Variants in SLC7A14 observed in about 807,000 individuals in gnomAD.
The protein encoded by SLC7A14 is gamma-aminobutyric acid transporter SLC7A14.
Under a neutral mutation model 60.2 loss-of-function variants are expected in SLC7A14, and 37 were observed. The observed-to-expected ratio is 0.61, with a 90% CI of 0.47 to 0.81. The LOEUF is 0.81. SLC7A14 is among the 30% of genes least tolerant of loss of function. The pLI is 0.00. For missense variants in SLC7A14, 886 were observed against 982.7 expected (o/e 0.90, Z 1.32); for synonymous variants, 399 against 395.8 (o/e 1.01, Z -0.10).
At chr3:170,472,702 G>A (rs1739951189) in intron 7 of SLC7A14, among the ~76,000 whole-genome samples, 1 of 151,690 alleles carries the variant, frequency 6.6e-6, no homozygotes, top group Non-Finnish European at 1.5e-5. Flanking sequence ...GGGAGGCAGA[G>A]CTTGCATTGA....
chr3:170,470,162 T>G (rs184315670), intron 7 of SLC7A14, among the ~76,000 whole-genome samples: 1 of 152,318 alleles, frequency 6.6e-6, no homozygotes, highest in African/African-American at 2.4e-5. Context: ...GCTTTATACA[T>G]GGAGGGAGAG....
At chr3:170,483,626 G>C in intron 5 of SLC7A14, 104 bp from the exon 6 acceptor site, 2 of 1,253,394 alleles carry the variant, frequency 1.6e-6, no homozygotes, top group Non-Finnish European at 2.3e-6. Context: ...GCAGAGGCTT[G>C]CATGGCAGTT....
rs370930428 is a variant in SLC7A14, at chr3:170,481,115, G to A, written c.1167C>T (p.Ile389=). The A allele has an allele frequency of 1.1e-5, 18 of 1,614,008 alleles. No individual in the cohort carries two copies. The highest frequency in any genetic ancestry group is 2.2e-5 in the South Asian group (2 of 91,066). ...GGAGCGCTGCCAGGAACCCCGACAC[G>A]ATGCAGGCCACCACTGGTGTCTCTG... ...SYTETPVVAC[I]VSGFLAALLA... The change falls in exon 7 of 8, where the codon ATC becomes ATT. Residue 389 remains isoleucine, a synonymous_variant. Transcript: ENST00000231706.
intron 4 of SLC7A14, among the ~76,000 whole-genome samples, chr3:170,490,302 A>C (rs1712175449): frequency 6.6e-6 from 1 of 152,246 alleles, no homozygotes; most frequent in Admixed American, 6.5e-5. Flanking sequence ...TTCTACACAC[A>C]CAGACACATA....
intron 1 of SLC7A14, among the ~76,000 whole-genome samples, chr3:170,559,487 A>C (rs1357556767): frequency 6.6e-6 from 1 of 152,200 alleles, no homozygotes; most frequent in East Asian, 1.9e-4. Context: ...GTTTTAAAAT[A>C]TTTTTATATA....
At chr3:170,580,487 C>T (rs781717995) in intron 1 of SLC7A14, among the ~76,000 whole-genome samples, 4 of 152,184 alleles carry the variant, frequency 2.6e-5, no homozygotes, top group Non-Finnish European at 5.9e-5. Flanking sequence ...GCATCATCTA[C>T]TAGAGGCCAG....
intron 1 of SLC7A14, among the ~76,000 whole-genome samples, chr3:170,575,269 T>G (rs1715058006): frequency 6.6e-6 from 1 of 152,188 alleles, no homozygotes; most frequent in Admixed American, 6.5e-5. Context: ...TGTGATAATT[T>G]ATATGCAAGC....
intron 4 of SLC7A14, chr3:170,495,488 C>A: frequency 2.2e-6 from 2 of 895,944 alleles, no homozygotes; most frequent in Non-Finnish European, 3.4e-6. Flanking sequence ...CCACCTCTGG[C>A]CCCCAGGCCT....
chr3:170,582,136 T>C (rs529879476), intron 1 of SLC7A14, among the ~76,000 whole-genome samples: 12 of 152,298 alleles, frequency 7.9e-5, no homozygotes, highest in East Asian at 5.8e-4. Flanking sequence ...CTTCATAGCC[T>C]AATTGTCCTA....
At position 170,526,901 on chromosome 3, in the gene SLC7A14, C is replaced by G; in HGVS notation, c.36G>C (p.Arg12=). The G allele has an allele frequency of 6.2e-7, 1 of 1,613,676 alleles. No homozygotes were observed. Among genetic ancestry groups the G allele is most frequent in the Non-Finnish European group, 8.5e-7 (1 of 1,179,854 alleles). The change falls in exon 2 of 8, where the codon CGG becomes CGC. Residue 12 remains arginine, a synonymous_variant. Transcript: ENST00000231706. ...CATACCAGGCAGCTCCCCACTGCAC[C>G]CGCCGGGGGTCCAGCGAGGTGAAGA... The part of the protein sequence containing the change: ...SGFFTSLDPR[R]VQWGAAWYAM...
rs755332029 is a variant in SLC7A14 at position 170,480,922 on chromosome 3, C to T, written c.1360G>A (p.Gly454Ser). The change falls in exon 7 of 8, where the codon GGC becomes AGC. Residue 454 changes from glycine (G) to serine (S), a missense_variant. Gly to Ser is a moderately conservative substitution (Grantham distance 56, BLOSUM62 0). Coordinates refer to ENST00000231706, the MANE Select transcript of SLC7A14 (RefSeq NM_020949.3). ...TCCTTCTCACAGTCAGCCAGAATGC[C>T]CTCCTTCTTCTTGGTGTGCTCCTCA... is the stretch of plus-strand genomic sequence containing the variant. ...LSEEHTKKKE[G>S]ILADCEKEAC... The T allele has an allele frequency of 3.1e-6, 5 of 1,613,844 alleles. No homozygotes were observed. The highest frequency in any genetic ancestry group is 4.5e-5 in the East Asian group (2 of 44,868).
intron 4 of SLC7A14, among the ~76,000 whole-genome samples, chr3:170,490,169 A>G (rs1173859885): frequency 2.0e-5 from 3 of 152,208 alleles, no homozygotes; most frequent in African/African-American, 7.2e-5. Flanking sequence ...TGCTTATTTC[A>G]CATTGCATGC....
chr3:170,467,280 G>A lies in SLC7A14; in HGVS notation c.2091C>T (p.Asp697=), dbSNP rs564483174. 1.3e-5 allele frequency: 21 copies of A among 1,614,234 alleles called. No homozygotes were observed. The highest frequency in any genetic ancestry group is 1.6e-4 in the Middle Eastern group (1 of 6,062). The part of the protein sequence containing the change: ...ALHQSTYQRY[D]VDDPFSVEEG... ...CCTCCACTGAGAAGGGGTCATCCAC[G>A]TCGTAGCGTTGGTACGTGCTTTGGT... The change falls in exon 8 of 8, where the codon GAC becomes GAT. Residue 697 remains aspartate, a synonymous_variant. Transcript: ENST00000231706.
chr3:170,582,265 G>A (rs1715258261), intron 1 of SLC7A14, among the ~76,000 whole-genome samples: 2 of 152,140 alleles, frequency 1.3e-5, no homozygotes, highest in Admixed American at 1.3e-4. Context: ...CTTGGTTGCT[G>A]TGAGGGTGTG....
At chr3:170,539,328 A>G (rs993051953) in intron 1 of SLC7A14, among the ~76,000 whole-genome samples, 13 of 151,926 alleles carry the variant, frequency 8.6e-5, no homozygotes, top group Non-Finnish European at 1.5e-4. Flanking sequence ...CTGAAATGTC[A>G]TCTTTGCAGA....
At chr3:170,512,357 C>A (rs978162869) in intron 2 of SLC7A14, among the ~76,000 whole-genome samples, 1 of 152,212 alleles carries the variant, frequency 6.6e-6, no homozygotes, top group Non-Finnish European at 1.5e-5. Context: ...CATGGGCCTG[C>A]ACCCATTCTC....
chr3:170,568,644 A>G (rs1461211064), intron 1 of SLC7A14, among the ~76,000 whole-genome samples: 1 of 152,240 alleles, frequency 6.6e-6, no homozygotes, highest in Non-Finnish European at 1.5e-5. Context: ...ACCCATGAGC[A>G]TGGAATGTTC....
rs1021334714 is a variant in SLC7A14 at position 170,532,419 on chromosome 3, C to G, written c.-152-5331G>C. Reference sequence around the variant, plus strand: ...TGAGCTCCTGGCTCTGGGTTAAGAACACAATTCAGGAACCAGGTGCCCTGC... The same window carrying G: ...TGAGCTCCTGGCTCTGGGTTAAGAAGACAATTCAGGAACCAGGTGCCCTGC... On this transcript the variant is annotated intron_variant, in intron 1 of 7. Transcript: ENST00000231706. The surrounding 1 kb of genome is among the most constrained non-coding windows in gnomAD (Gnocchi z 4.0). Among the ~76,000 whole-genome samples the G allele has an allele frequency of 6.6e-6, 1 of 152,234 alleles. No homozygotes were observed. The highest frequency in any genetic ancestry group is 1.5e-5 in the Non-Finnish European group (1 of 68,044).
At position 170,480,703 on chromosome 3, in the gene SLC7A14, T is replaced by C. The variant is rs776719596; in HGVS notation, c.1579A>G (p.Asn527Asp). ...TTGIEADESENIYLIKLKKLI... is the reference protein window; with the variant it reads ...TTGIEADESEDIYLIKLKKLI... ...TTCTTTAACTTGATGAGATAAATATTTTCGGATTCATCAGCTTCTATGCCT... is the reference window on the plus strand; with the variant it reads ...TTCTTTAACTTGATGAGATAAATATCTTCGGATTCATCAGCTTCTATGCCT... The change falls in exon 7 of 8, where the codon AAT (asparagine) becomes GAT (aspartate). Residue 527 changes from asparagine (N) to aspartate (D), a missense_variant. Transcript: ENST00000231706. 1 of 1,614,198 alleles carries C rather than the reference T, an allele frequency of 6.2e-7. No individual in the cohort carries two copies. Among genetic ancestry groups the C allele is most frequent in the African/African-American group, 1.3e-5 (1 of 75,038 alleles).
Sources: allele counts gnomAD v4.1 joint callset (sites outside exome capture counted in the v4.1 genomes callset), GRCh38; gene constraint gnomAD v4.1.1; non-coding constraint Gnocchi (gnomAD v3.1); transcripts MANE v1.5; gene names NCBI Gene and HGNC (gene_info 2026-07-23, HGNC 2026-07-21).